The following TSPEAR variants were observed in gnomAD, a reference collection of about 807,000 sequenced individuals.
The protein encoded by TSPEAR is thrombospondin-type laminin G domain and EAR repeat-containing protein.
Under a neutral mutation model 71.6 loss-of-function variants are expected in TSPEAR, and 69 were observed. The ratio of observed to expected loss-of-function variants is 0.96; its 90% CI spans 0.79 to 1.18. The LOEUF is 1.18. Among genes scored for constraint, TSPEAR ranks in the 50% most tolerant of loss-of-function variants. The pLI, the probability that TSPEAR is intolerant of heterozygous loss-of-function variation, is 0.00. For missense variants in TSPEAR, 971 were observed against 894.9 expected (o/e 1.09, Z -1.09); for synonymous variants, 402 against 387.2 (o/e 1.04, Z -0.45).
rs1555949006 is a variant in TSPEAR, at chr21:44,687,004, A to C, written c.82+24429T>G. On this transcript the variant is annotated intron_variant, in intron 1 of 11. Transcript: ENST00000323084. This position sits in a 1 kb window ranked among gnomAD's most constrained non-coding sequence, Gnocchi z 4.4. ...GGAAAAGCTGTGGCTGAAGCTGCTG[A>C]GTCCAAAGGGGGTGTCTCCTTCCCA... Among the ~76,000 whole-genome samples, 8 of 152,168 alleles carry C rather than the reference A, an allele frequency of 5.3e-5. No individual in the cohort carries two copies.
intron 1 of TSPEAR, among the ~76,000 whole-genome samples, chr21:44,694,863 G>A (rs1056289063): frequency 3.9e-5 from 6 of 152,280 alleles, no homozygotes; most frequent in East Asian, 1.9e-4. Flanking sequence ...CCCGTGAGCC[G>A]GTGCAGCATG....
rs1258674856 is a variant in TSPEAR at position 44,710,725 on chromosome 21, AT to A, written c.82+707del. 2.0e-5 allele frequency among the ~76,000 whole-genome samples: 3 copies of A among 152,190 alleles called. No individual in the cohort carries two copies. The highest frequency in any genetic ancestry group is 7.2e-5 in the African/African-American group (3 of 41,444). On this transcript the variant is annotated intron_variant, in intron 1 of 11. Coordinates refer to ENST00000323084, the MANE Select transcript of TSPEAR (RefSeq NM_144991.3). This position sits in a 1 kb window ranked among gnomAD's most constrained non-coding sequence, Gnocchi z 4.6. ...TCTAGTTGTCGTGTTACTTTATTAA[AT>A]TTTGGTTTGATAAGTAAAATCCCTC...
At chr21:44,575,182 T>G in intron 1 of TSPEAR, 1 of 771,084 alleles carries the variant, frequency 1.3e-6, no homozygotes, top group Non-Finnish European at 2.1e-6. Flanking sequence ...TGCAGCCCTC[T>G]TGCGGGGGGA....
chr21:44,575,403 G>C (rs1328088163), intron 1 of TSPEAR: 1 of 239,794 alleles, frequency 4.2e-6, no homozygotes, highest in Non-Finnish European at 8.5e-6. Context: ...GCCTTGGCTG[G>C]AGCTCACGGC....
At position 44,567,820 on chromosome 21, in the gene TSPEAR, C is replaced by T. The variant is rs782426052; in HGVS notation, c.268G>A (p.Val90Ile). The T allele has an allele frequency of 1.2e-5, 19 of 1,597,710 alleles. No homozygotes were observed. The Admixed American group carries it at 1.7e-4, about 15-fold the overall frequency. Residue 90 changes from valine to isoleucine, a missense_variant, in exon 2 of 12, where the codon GTC (valine) becomes ATC (isoleucine). Val to Ile is a conservative substitution (Grantham distance 29). Transcript: ENST00000323084. ...AGATTGGGAACTCTCAAAGTTACGA[C>T]GATGGAAAATTCTTCAGGGAAGAGG... ...CDLFPEEFSI[V>I]VTLRVPNLPP... is the part of the protein sequence containing the mutation.
chr21:44,558,248 G>A (rs782541478), intron 2 of TSPEAR: 29 of 1,614,010 alleles, frequency 1.8e-5, no homozygotes, highest in Non-Finnish European at 2.3e-5. Flanking sequence ...GGGACACGGA[G>A]GAGGAGGGTC....
chr21:44,694,806 G>A (rs911652768), intron 1 of TSPEAR, among the ~76,000 whole-genome samples: 4 of 152,090 alleles, frequency 2.6e-5, no homozygotes, highest in African/African-American at 4.8e-5. Context: ...AAAGTGGCTC[G>A]AGTAGCTCGT....
chr21:44,504,531 C>T (rs1345071314), intron 11 of TSPEAR, among the ~76,000 whole-genome samples: 3 of 144,330 alleles, frequency 2.1e-5, no homozygotes, highest in African/African-American at 8.1e-5. Flanking sequence ...AGGCCGGCCT[C>T]GGTGAGCCCA....
At chr21:44,559,512 T>C (rs1555920678) in intron 2 of TSPEAR, among the ~76,000 whole-genome samples, 1 of 152,170 alleles carries the variant, frequency 6.6e-6, no homozygotes. Flanking sequence ...CACCTTCTCC[T>C]CTCACATCTC....
At chr21:44,512,791 TGGGCATGGAGGTCTGTCCA>T (rs1267994344) in intron 9 of TSPEAR, among the ~76,000 whole-genome samples, 2 of 151,820 alleles carry the variant, frequency 1.3e-5, no homozygotes, top group East Asian at 1.9e-4. Context: ...GCTGTGGGGG[TGGGCATGGAGGTCTGTCCA>T]GGGCATGGCA....
At chr21:44,676,884 T>C (rs1601555289) in intron 1 of TSPEAR, 7 of 884,946 alleles carry the variant, frequency 7.9e-6, no homozygotes, top group African/African-American at 1.6e-5. Flanking sequence ...TCTGTTCTGC[T>C]AGCTCTCTGT....
In TSPEAR at chr21:44,574,536, T is replaced by C. The variant is rs782337715; in HGVS notation, c.83-6531A>G. On this transcript the variant is annotated intron_variant, in intron 1 of 11. Transcript: ENST00000323084. ...CCAGCAGTCTAGCTGCCAGCCGGCT[T>C]GCTGCACCTCCTCTCCCTGCCAGCA... 1.3e-5 allele frequency: 21 copies of C among 1,609,304 alleles called. No individual in the cohort carries two copies. The East Asian group carries it at 4.7e-4, about 36-fold the overall frequency.
At chr21:44,504,311 TTAGGGGGAAG>T (rs2052138781) in intron 11 of TSPEAR, among the ~76,000 whole-genome samples, 2 of 79,588 alleles carry the variant, frequency 2.5e-5, no homozygotes, top group African/African-American at 9.7e-5. Context: ...CGGTGAGCCC[TTAGGGGGAAG>T]CAAGGCACTG....
chr21:44,512,729 T>G (rs1265888279), intron 9 of TSPEAR, among the ~76,000 whole-genome samples: 3 of 151,832 alleles, frequency 2.0e-5, no homozygotes, highest in African/African-American at 7.3e-5. Context: ...AGTTGCATCT[T>G]GGTTGGAGCC....
In TSPEAR at chr21:44,697,023, G is replaced by A. The variant is rs1036684930; in HGVS notation, c.82+14410C>T. 3.5e-4 allele frequency: 313 copies of A among 889,782 alleles called. 4 individuals carry two copies. The South Asian group carries it at 3.9e-3, about 11-fold the overall frequency. 55.1% of individuals were successfully genotyped at this position (889,782 alleles called of 1,614,324 possible). A position where few individuals can be genotyped will look rare whatever the true frequency, so the allele number is the denominator to read the frequency against. On this transcript the variant is annotated intron_variant, in intron 1 of 11. Coordinates refer to ENST00000323084, the MANE Select transcript of TSPEAR (RefSeq NM_144991.3). ...CTCCCTCCTTCCCATCCAGCACCCAGACGCTCACTCACTCCCTCCCTCCTG... is the reference window on the plus strand; with the variant it reads ...CTCCCTCCTTCCCATCCAGCACCCAAACGCTCACTCACTCCCTCCCTCCTG...
intron 1 of TSPEAR, among the ~76,000 whole-genome samples, chr21:44,571,961 C>T (rs587596409): frequency 6.6e-6 from 1 of 152,320 alleles, no homozygotes; most frequent in Non-Finnish European, 1.5e-5. Flanking sequence ...CGGAGGGGCA[C>T]CAGCACTGCC....
At chr21:44,578,149 G>T (rs1227561342) in intron 1 of TSPEAR, among the ~76,000 whole-genome samples, 2 of 152,020 alleles carry the variant, frequency 1.3e-5, no homozygotes, top group Non-Finnish European at 2.9e-5. Context: ...CCAGTCTTGG[G>T]TATGTCTTTA....
intron 1 of TSPEAR, among the ~76,000 whole-genome samples, chr21:44,568,477 G>A (rs1435459673): frequency 6.6e-6 from 1 of 152,226 alleles, no homozygotes; most frequent in African/African-American, 2.4e-5. Flanking sequence ...TGGGAGGCTG[G>A]AGCTGCCATG....
chr21:44,627,265 T>A (rs782010385), intron 1 of TSPEAR: 23 of 1,612,614 alleles, frequency 1.4e-5, no homozygotes, highest in East Asian at 1.1e-4. Flanking sequence ...GCCCCCCTGC[T>A]GCGCCACCAG....
Sources: allele counts gnomAD v4.1 joint callset (sites outside exome capture counted in the v4.1 genomes callset), GRCh38; gene constraint gnomAD v4.1.1; non-coding constraint Gnocchi (gnomAD v3.1); transcripts MANE v1.5; gene names NCBI Gene and HGNC (gene_info 2026-07-23, HGNC 2026-07-21).